The following CDK5RAP1 variants were observed in gnomAD, a reference collection of about 807,000 sequenced individuals.
The protein encoded by CDK5RAP1 is mitochondrial tRNA methylthiotransferase CDK5RAP1.
Under a neutral mutation model 64.5 loss-of-function variants are expected in CDK5RAP1, and 62 were observed. The ratio of observed to expected loss-of-function variants is 0.96; its 90% confidence interval spans 0.78 to 1.19. The LOEUF (loss-of-function observed/expected upper bound fraction) is 1.19, where lower values mean the gene tolerates loss of function less well. Among genes scored for constraint, CDK5RAP1 ranks in the 50% most tolerant of loss-of-function variants. CDK5RAP1 has a pLI of 0.00. For synonymous variants in CDK5RAP1, 250 were observed against 261.9 expected, an observed-to-expected ratio of 0.95 and a Z score of 0.44; for missense variants, 657 against 735.0, an observed-to-expected ratio of 0.89 and a Z score of 1.23.
intron 12 of CDK5RAP1, among the ~76,000 whole-genome samples, chr20:33,364,093 A>G (rs1325109989): frequency 6.6e-6 from 1 of 152,168 alleles, no homozygotes; most frequent in Non-Finnish European, 1.5e-5. Flanking sequence ...ATTTTTGTCA[A>G]TTATTGTCAG....
chr20:33,371,551 G>A (rs138925097), intron 10 of CDK5RAP1, among the ~76,000 whole-genome samples: 163 of 152,194 alleles, frequency 1.1e-3, no homozygotes, highest in African/African-American at 3.6e-3. Flanking sequence ...ACTTTGGCAG[G>A]CTGAGGCGGG....
In CDK5RAP1 at chr20:33,366,979, A is replaced by C; in HGVS notation, c.1422T>G (p.Asp474Glu). 1 of 1,613,420 alleles carries C rather than the reference A, an allele frequency of 6.2e-7. No homozygotes were observed. The highest frequency in any genetic ancestry group is 1.1e-5 in the South Asian group (1 of 91,056). The change falls in exon 12 of 14, where the codon GAT becomes GAG. Residue 474 changes from aspartate (D) to glutamate (E), a missense_variant. Physicochemically the swap from Asp to Glu is conservative, Grantham distance 45. Coordinates refer to ENST00000346416, the MANE Select transcript of CDK5RAP1 (RefSeq NM_016408.4). Reference protein sequence around the residue: ...QKTRAYHRLKDDVPEEVKLRR... With the variant: ...QKTRAYHRLKEDVPEEVKLRR... ...TTAATTTTACCTCTTCCGGGACATC[A>C]TCCTTCAGCCTATGATATGCCCGTG...
At chr20:33,394,881 G>A (rs1474400475) in intron 3 of CDK5RAP1, 132 bp downstream of exon 3, 2 of 672,794 alleles carry the variant, frequency 3.0e-6, no homozygotes, top group Non-Finnish European at 5.5e-6. Flanking sequence ...TCAGTCCCAT[G>A]GTGAACACTT....
intron 8 of CDK5RAP1, among the ~76,000 whole-genome samples, chr20:33,376,939 G>A (rs1181652224): frequency 6.6e-6 from 1 of 152,174 alleles, no homozygotes; most frequent in Admixed American, 6.5e-5. Flanking sequence ...TTCAGTGGAG[G>A]AAGTAACATC....
intron 5 of CDK5RAP1, among the ~76,000 whole-genome samples, chr20:33,387,827 GGGGCCGA>G (rs1987654307): frequency 6.6e-6 from 1 of 152,042 alleles, no homozygotes; most frequent in South Asian, 2.1e-4. Flanking sequence ...CACACTTTGG[GGGGCCGA>G]GGCAGGCGGA....
chr20:33,381,671 G>A (rs1454719575), intron 7 of CDK5RAP1, among the ~76,000 whole-genome samples: 1 of 152,014 alleles, frequency 6.6e-6, no homozygotes. Flanking sequence ...CAGACAATCT[G>A]CACACCATGG....
At chr20:33,395,188 TC>T (rs1988793869) in intron 2 of CDK5RAP1, 72 bp from the exon 3 acceptor site, 1 of 835,200 alleles carries the variant, frequency 1.2e-6, no homozygotes, top group South Asian at 1.3e-5. Flanking sequence ...AAGGTCTCCT[TC>T]CCAAATGCTC....
At chr20:33,370,093 A>G (rs1263914170) in intron 11 of CDK5RAP1, among the ~76,000 whole-genome samples, 1 of 152,204 alleles carries the variant, frequency 6.6e-6, no homozygotes, top group East Asian at 1.9e-4. Context: ...TTGCCTAGGA[A>G]AACAGAAGTT....
At chr20:33,373,935 T>C (rs1985528140) in intron 9 of CDK5RAP1, 180 bp downstream of exon 9, 1 of 609,008 alleles carries the variant, frequency 1.6e-6, no homozygotes, top group Admixed American at 3.0e-5. Context: ...TCCTTAGCCT[T>C]TGCTTATGAA....
chr20:33,387,567 A>C (rs747971512), intron 5 of CDK5RAP1, 34 bp from the exon 6 acceptor site: 1 of 1,546,284 alleles, frequency 6.5e-7, no homozygotes, highest in Non-Finnish European at 8.9e-7. Context: ...ACCTTTCCCC[A>C]AATCCACCTG....
chr20:33,389,115 C>T (rs1217365453), intron 5 of CDK5RAP1, among the ~76,000 whole-genome samples: 8 of 151,680 alleles, frequency 5.3e-5, no homozygotes, highest in Admixed American at 2.6e-4. Context: ...CCCCTCTGCC[C>T]GGCTGCCCAG....
At chr20:33,385,951 T>G (rs113935964) in intron 6 of CDK5RAP1, among the ~76,000 whole-genome samples, 181 bp from the exon 7 acceptor site, 1 of 152,222 alleles carries the variant, frequency 6.6e-6, no homozygotes, top group Non-Finnish European at 1.5e-5. Flanking sequence ...TAAAAATTGG[T>G]ATCTAATCAC....
chr20:33,382,874 A>G (rs1006838362), intron 7 of CDK5RAP1, among the ~76,000 whole-genome samples: 1 of 149,404 alleles, frequency 6.7e-6, no homozygotes, highest in Non-Finnish European at 1.5e-5. Context: ...CAAAATAAAT[A>G]AATAAATAAG....
chr20:33,364,206 TGAGATGGAGTCTCGC>T (rs1983464479), intron 12 of CDK5RAP1, among the ~76,000 whole-genome samples: 1 of 130,174 alleles, frequency 7.7e-6, no homozygotes, highest in African/African-American at 2.7e-5. Context: ...TTTTTTTTTT[TGAGATGGAGTCTCGC>T]TGTGTGACCC....
intron 12 of CDK5RAP1, among the ~76,000 whole-genome samples, chr20:33,362,191 C>T (rs769017492): frequency 1.3e-5 from 2 of 151,880 alleles, no homozygotes; most frequent in South Asian, 2.1e-4. Context: ...CCAAAGAAAA[C>T]ACAAAGGGGT....
In CDK5RAP1 at chr20:33,358,898, G is replaced by C. The variant is rs1260797805; in HGVS notation, c.*145C>G. 9 of 637,854 alleles carry C rather than the reference G, an allele frequency of 1.4e-5. No homozygotes were observed. Among genetic ancestry groups the C allele is most frequent in the Non-Finnish European group, 2.5e-5 (9 of 357,976 alleles). The allele number at this position is 637,854 out of a possible 1,614,324, so 39.5% of individuals were successfully genotyped here. A position where few individuals can be genotyped will look rare whatever the true frequency, so the allele number is the denominator to read the frequency against. The stretch of plus-strand genomic sequence containing the variant: ...AAGCTGTTCACATAGCAGCTTTAAA[G>C]AGACACGTTTTCCACTGACATAAAG... On this transcript the variant is annotated 3_prime_UTR_variant, in exon 14 of 14. Transcript: ENST00000346416.
At chr20:33,382,307 G>T (rs573452081) in intron 7 of CDK5RAP1, among the ~76,000 whole-genome samples, 1 of 152,140 alleles carries the variant, frequency 6.6e-6, no homozygotes, top group Non-Finnish European at 1.5e-5. Context: ...GAACAATTGG[G>T]GAACTCCGAA....
intron 11 of CDK5RAP1, among the ~76,000 whole-genome samples, chr20:33,368,711 A>C (rs1188860626): frequency 1.3e-5 from 2 of 151,942 alleles, no homozygotes; most frequent in African/African-American, 4.8e-5. Flanking sequence ...ATCTCTACTA[A>C]AAATACAAAA....
intron 12 of CDK5RAP1, among the ~76,000 whole-genome samples, chr20:33,363,995 C>G (rs748685218): frequency 2.6e-5 from 4 of 151,784 alleles, no homozygotes; most frequent in African/African-American, 4.8e-5. Flanking sequence ...ATTCATGAGA[C>G]AAACAGGGAA....
Sources: allele counts gnomAD v4.1 joint callset (sites outside exome capture counted in the v4.1 genomes callset), GRCh38; gene constraint gnomAD v4.1.1; transcripts MANE v1.5; gene names NCBI Gene and HGNC (gene_info 2026-07-23, HGNC 2026-07-21).